The following SYNE2 variants were observed in gnomAD, a reference collection of about 807,000 sequenced individuals.
SYNE2 encodes spectrin repeat containing nuclear envelope protein 2, also known as nesprin-2.
SYNE2 carries 431 observed loss-of-function variants against 856.3 expected under a neutral mutation model. The observed-to-expected ratio is 0.50, with a 90% CI of 0.47 to 0.55. The LOEUF is 0.55. SYNE2 is among the 20% of genes least tolerant of loss of function. The probability of loss-of-function intolerance (pLI) is 0.00; values close to 1 mark genes in which losing one functional copy is unlikely to be tolerated. For synonymous variants in SYNE2, 2,923 were observed against 2,872.3 expected, an observed-to-expected ratio of 1.02 and a Z score of -0.56; for missense variants, 8,129 against 8,023.2, an observed-to-expected ratio of 1.01 and a Z score of -0.50.
At chr14:64,148,872 T>A (rs963238800) in intron 84 of SYNE2, among the ~76,000 whole-genome samples, 2 of 152,284 alleles carry the variant, frequency 1.3e-5, no homozygotes, top group African/African-American at 4.8e-5. Context: ...TCAGCATGCC[T>A]GTTATACCTG....
At chr14:64,161,247 G>C (rs923631751) in intron 87 of SYNE2, among the ~76,000 whole-genome samples, 3 of 151,848 alleles carry the variant, frequency 2.0e-5, no homozygotes, top group African/African-American at 4.8e-5. Flanking sequence ...TGGGGGCTGA[G>C]ATGGGAGGAT....
chr14:64,081,666 C>T (rs1281598743), intron 57 of SYNE2, 86 bp downstream of exon 57: 5 of 1,482,708 alleles, frequency 3.4e-6, no homozygotes, highest in African/African-American at 1.4e-5. Flanking sequence ...CTTTTTTCCT[C>T]CTTTCCTGAA....
Position 64,052,046 on chromosome 14 carries a change from A to C in SYNE2, c.8133A>C (p.Lys2711Asn). Residue 2711 changes from lysine to asparagine, a missense_variant, in exon 48 of 116, where the codon AAA becomes AAC. This residue lies in a region of SYNE2 where 5,410 missense variants were observed against 5,284.8 expected (regional missense o/e 1.02). Transcript: ENST00000555002. ...NLEDGINNLK[K>N]QWETLEPLHL... ...AGGATGGAATAAATAACTTGAAGAA[A>C]CAATGGGAAACATTGGAGCCATTAC... 1 of 1,613,890 alleles carries C rather than the reference A, an allele frequency of 6.2e-7. No individual in the cohort carries two copies. Among genetic ancestry groups the C allele is most frequent in the South Asian group, 1.1e-5 (1 of 91,038 alleles).
chr14:63,841,289 T>C (rs1243277368), intron 1 of SYNE2, among the ~76,000 whole-genome samples: 1 of 152,136 alleles, frequency 6.6e-6, no homozygotes, highest in African/African-American at 2.4e-5. Flanking sequence ...GGCCAAGTAG[T>C]TGAAGCTGTG....
chr14:64,093,913 G>A (rs957053856), intron 61 of SYNE2, among the ~76,000 whole-genome samples: 10 of 152,256 alleles, frequency 6.6e-5, no homozygotes, highest in Admixed American at 5.9e-4. Context: ...TGACTTTCTG[G>A]GATAGAGTCA....
chr14:64,154,085 C>T (rs2098266909), intron 85 of SYNE2, among the ~76,000 whole-genome samples: 1 of 151,300 alleles, frequency 6.6e-6, no homozygotes, highest in African/African-American at 2.4e-5. Context: ...AATCCCAACA[C>T]TTTGGGAGAC....
intron 108 of SYNE2, among the ~76,000 whole-genome samples, chr14:64,217,985 C>T (rs776143207): frequency 8.5e-5 from 13 of 152,212 alleles, no homozygotes; most frequent in Non-Finnish European, 1.6e-4. Context: ...TGATGCCAAC[C>T]ACCTCTACAG....
At position 64,134,148 on chromosome 14, in the gene SYNE2, G is replaced by C; in HGVS notation, c.14594G>C (p.Ser4865Thr). 1 of 1,613,996 alleles carries C rather than the reference G, an allele frequency of 6.2e-7. No homozygotes were observed. Among genetic ancestry groups the C allele is most frequent in the South Asian group, 1.1e-5 (1 of 91,084 alleles). The change falls in exon 78 of 116, where the codon AGT (serine) becomes ACT (threonine). Residue 4865 changes from serine to threonine, a missense_variant. Coordinates refer to ENST00000555002, the MANE Select transcript of SYNE2 (RefSeq NM_182914.3). ...EILISTLPSVSLVEETEERLV... is the reference protein window; with the variant it reads ...EILISTLPSVTLVEETEERLV... ...CTTATATCTACATTGCCCTCTGTGAGTTTGGTGGAAGAAACAGAGGAAAGA... is the reference window on the plus strand; with the variant it reads ...CTTATATCTACATTGCCCTCTGTGACTTTGGTGGAAGAAACAGAGGAAAGA...
intron 1 of SYNE2, among the ~76,000 whole-genome samples, chr14:63,810,573 C>A (rs1010681011): frequency 6.6e-6 from 1 of 152,066 alleles, no homozygotes; most frequent in Non-Finnish European, 1.5e-5. Flanking sequence ...CTGATGGGTT[C>A]ATGAAACTTA....
chr14:64,181,252 T>A (rs2098456715), intron 96 of SYNE2, among the ~76,000 whole-genome samples: 1 of 152,256 alleles, frequency 6.6e-6, no homozygotes, highest in Non-Finnish European at 1.5e-5. Flanking sequence ...GATGTGTCAG[T>A]CAGTGGCTTT....
intron 84 of SYNE2, among the ~76,000 whole-genome samples, chr14:64,151,446 A>AG (rs2098241818): frequency 1.0e-5 from 1 of 97,316 alleles, no homozygotes; most frequent in Admixed American, 1.0e-4. Flanking sequence ...AAAAAAAAAA[A>AG]GCTGGGATCC....
At chr14:63,892,212 G>C (rs2095148517) in intron 1 of SYNE2, among the ~76,000 whole-genome samples, 1 of 121,550 alleles carries the variant, frequency 8.2e-6, no homozygotes, top group African/African-American at 2.5e-5. Flanking sequence ...TCAAACGCTT[G>C]ACAAACATAC....
chr14:63,915,549 C>A (rs1280207428), intron 2 of SYNE2, among the ~76,000 whole-genome samples: 2 of 152,086 alleles, frequency 1.3e-5, no homozygotes, highest in African/African-American at 4.8e-5. Context: ...GATTCTATTA[C>A]CTTTGCCACC....
intron 11 of SYNE2, among the ~76,000 whole-genome samples, chr14:63,970,651 CTTTTTTTTTTTT>C (rs61126600): frequency 3.0e-5 from 3 of 98,890 alleles, no homozygotes; most frequent in South Asian, 7.1e-4. Flanking sequence ...TTTCTTTTTT[CTTTTTTTTTTTT>C]TTTTTTTTGA....
chr14:63,887,946 T>C (rs2095036526), intron 1 of SYNE2, among the ~76,000 whole-genome samples: 1 of 152,056 alleles, frequency 6.6e-6, no homozygotes, highest in Non-Finnish European at 1.5e-5. Context: ...AGAGATGGAA[T>C]TTCACCATGT....
chr14:63,978,836 C>T lies in SYNE2; in HGVS notation c.1407-16C>T, dbSNP rs1469891961. On this transcript the variant is annotated splice_polypyrimidine_tract_variant and intron_variant, in intron 13 of 115. Transcript: ENST00000555002. The stretch of plus-strand genomic sequence containing the variant: ...ATAATATTAAGTTAAATTCCAAAAC[C>T]TGCACTGTTTTCCAGAATCAACAAC... 4 of 1,607,158 alleles carry T rather than the reference C, an allele frequency of 2.5e-6. No individual in the cohort carries two copies. The highest frequency in any genetic ancestry group is 1.3e-5 in the African/African-American group (1 of 74,928).
intron 1 of SYNE2, among the ~76,000 whole-genome samples, chr14:63,842,961 G>C (rs1890118166): frequency 6.6e-6 from 1 of 152,026 alleles, no homozygotes. Context: ...TGTCAATGGG[G>C]TTTGCTTTTA....
chr14:64,157,764 T>C (rs568311548), intron 85 of SYNE2, among the ~76,000 whole-genome samples: 2 of 152,246 alleles, frequency 1.3e-5, no homozygotes, highest in Non-Finnish European at 2.9e-5. Flanking sequence ...TTTTTGATTA[T>C]GGCCATCAAA....
chr14:64,156,472 T>G (rs2098286580), intron 85 of SYNE2, among the ~76,000 whole-genome samples: 1 of 151,854 alleles, frequency 6.6e-6, no homozygotes. Context: ...TTTTTTTTTT[T>G]GTGGAGACAG....
Sources: allele counts gnomAD v4.1 joint callset (sites outside exome capture counted in the v4.1 genomes callset), GRCh38; gene constraint gnomAD v4.1.1; regional missense constraint gnomAD v4.1.1; transcripts MANE v1.5; gene names NCBI Gene and HGNC (gene_info 2026-07-23, HGNC 2026-07-21).